CAPN14: variants seen among roughly 807,000 people sequenced by gnomAD.
CAPN14 encodes the protein calpain 14.
In CAPN14, 94 loss-of-function variants were observed where a neutral mutation model predicts 101.3. The observed-to-expected ratio is 0.93, with a 90% CI of 0.79 to 1.10. CAPN14 has a LOEUF of 1.10. CAPN14 is among the 50% of genes least tolerant of loss of function. The pLI is 0.00. For missense variants in CAPN14, 837 were observed against 828.4 expected (o/e 1.01, Z -0.13); for synonymous variants, 338 against 317.9 (o/e 1.06, Z -0.67).
chr2:31,198,118 C>T (rs946510961), intron 7 of CAPN14, among the ~76,000 whole-genome samples: 10 of 152,170 alleles, frequency 6.6e-5, no homozygotes, highest in African/African-American at 2.4e-4. Context: ...GGCAAACCTG[C>T]CTCTCATTCT....
Position 31,201,884 on chromosome 2 carries a change from G to T in CAPN14, c.529C>A (p.Leu177Ile). The change falls in exon 5 of 22, where the codon CTT becomes ATT. Residue 177 changes from leucine to isoleucine, a missense_variant. Physicochemically the swap from Leu to Ile is conservative, Grantham distance 5. Coordinates refer to ENST00000403897, the MANE Select transcript of CAPN14 (RefSeq NM_001145122.2). Reference protein sequence around the residue: ...STYKNLFWGALLEKAYAKLSG... With the variant: ...STYKNLFWGAILEKAYAKLSG... ...TACTTGGCATAGGCCTTTTCCAGAAGTGCTCCCCAGAACAAGTTCTTATAG... is the reference window on the plus strand; with the variant it reads ...TACTTGGCATAGGCCTTTTCCAGAATTGCTCCCCAGAACAAGTTCTTATAG... The T allele has an allele frequency of 6.4e-7, 1 of 1,551,756 alleles. No homozygotes were observed. The highest frequency in any genetic ancestry group is 1.2e-5 in the South Asian group (1 of 84,060).
chr2:31,209,418 G>T (rs1387756779), intron 1 of CAPN14, among the ~76,000 whole-genome samples: 2 of 152,086 alleles, frequency 1.3e-5, no homozygotes, highest in African/African-American at 4.8e-5. Context: ...ATAACCTGGT[G>T]CTCAGATAAC....
chr2:31,231,675 T>C (rs970923377), intron 1 of CAPN14, among the ~76,000 whole-genome samples: 2 of 152,214 alleles, frequency 1.3e-5, no homozygotes, highest in Admixed American at 6.5e-5. Flanking sequence ...GACAATGGCA[T>C]GGCCGTACTG....
intron 7 of CAPN14, among the ~76,000 whole-genome samples, chr2:31,198,468 T>C (rs6708447): frequency 0.2 from 30,260 of 152,110 alleles, 3,353 homozygotes; most frequent in East Asian, 0.37. Flanking sequence ...CTGTCTCAGA[T>C]ATTTGGGGTT....
At chr2:31,215,566 C>T (rs1342371116) in intron 1 of CAPN14, among the ~76,000 whole-genome samples, 2 of 152,128 alleles carry the variant, frequency 1.3e-5, no homozygotes, top group Non-Finnish European at 1.5e-5. Context: ...AAATCTCCCT[C>T]ATCCTTCAAA....
At position 31,225,122 on chromosome 2, in the gene CAPN14, G is replaced by C. The variant is rs538254688; in HGVS notation, c.-53+1406C>G. Among the ~76,000 whole-genome samples the C allele has an allele frequency of 5.9e-5, 9 of 151,530 alleles. No individual in the cohort carries two copies. In the East Asian group the frequency reaches 1.6e-3, roughly 26 times the overall value. On this transcript the variant is annotated intron_variant and NMD_transcript_variant, in intron 2 of 21. Transcript: ENST00000398824. ...ATTAAAAACTCTTTCAAAACAATAC[G>C]AAAAACACTAAATGCTTTTAGAAAA...
chr2:31,173,718 C>G lies in CAPN14; in HGVS notation c.*963G>C, dbSNP rs553747117. On this transcript the variant is annotated 3_prime_UTR_variant, in exon 22 of 22. Coordinates refer to ENST00000403897, the MANE Select transcript of CAPN14 (RefSeq NM_001145122.2). ...ATGCTCAACCTGTAGTAATAAATGG[C>G]TCTGAGGTGCTAACTTATGAATAAA... The G allele has an allele frequency of 1.3e-5, 2 of 152,184 alleles. No individual in the cohort carries two copies. The highest frequency in any genetic ancestry group is 3.4e-3 in the Middle Eastern group (1 of 294). 9.4% of individuals were successfully genotyped at this position (152,184 alleles called of 1,614,324 possible).
At chr2:31,202,305 T>C in intron 3 of CAPN14, 53 bp from the exon 4 acceptor site, 2 of 1,396,712 alleles carry the variant, frequency 1.4e-6, no homozygotes, top group Non-Finnish European at 2.0e-6. Context: ...ACTTTATGAC[T>C]GCAGAAAATG....
rs1448665505 is a variant in CAPN14 at position 31,216,997 on chromosome 2, T to C, written c.-53+459A>G. On this transcript the variant is annotated intron_variant, in intron 1 of 21. Coordinates refer to ENST00000403897, the MANE Select transcript of CAPN14 (RefSeq NM_001145122.2). ...CAGAACAGAGAACAGTCGGCCTCCTTGACTCTGAGGATCCCATAAGGCCTC... is the reference window on the plus strand; with the variant it reads ...CAGAACAGAGAACAGTCGGCCTCCTCGACTCTGAGGATCCCATAAGGCCTC... 2.6e-5 allele frequency among the ~76,000 whole-genome samples: 4 copies of C among 152,166 alleles called. No individual in the cohort carries two copies. The East Asian group carries it at 5.8e-4, about 22-fold the overall frequency.
intron 2 of CAPN14, among the ~76,000 whole-genome samples, chr2:31,222,974 C>A (rs150879841): frequency 7.8e-4 from 119 of 152,308 alleles, no homozygotes; most frequent in African/African-American, 2.8e-3. Flanking sequence ...AACTCTCCTG[C>A]CAACTTTCCG....
intron 2 of CAPN14, 111 bp from the exon 3 acceptor site, chr2:31,203,250 C>G: frequency 1.3e-6 from 1 of 779,284 alleles, no homozygotes; most frequent in Non-Finnish European, 2.2e-6. Flanking sequence ...GACAAAGATA[C>G]AGAATATAGG....
chr2:31,223,053 A>G (rs1402156791), intron 2 of CAPN14, among the ~76,000 whole-genome samples: 3 of 152,224 alleles, frequency 2.0e-5, no homozygotes, highest in Non-Finnish European at 2.9e-5. Context: ...GAACCCAGCT[A>G]TGCTGGTGCC....
rs949213040 is a variant in CAPN14 at position 31,211,426 on chromosome 2, G to A, written c.-52-5927C>T. On this transcript the variant is annotated intron_variant, in intron 1 of 21. Transcript: ENST00000403897. ...AGTTAAATACACTATACAGAAACTC[G>A]GTGGTATTCTTTTTAAAACAGCAAG... Among the ~76,000 whole-genome samples the A allele has an allele frequency of 1.9e-4, 29 of 151,916 alleles. No individual in the cohort carries two copies. The East Asian group carries it at 1.9e-3, about 10-fold the overall frequency.
At chr2:31,203,614 C>G (rs144017816) in intron 2 of CAPN14, among the ~76,000 whole-genome samples, 20 of 152,224 alleles carry the variant, frequency 1.3e-4, no homozygotes, top group African/African-American at 4.8e-4. Flanking sequence ...TTTATATTCT[C>G]AGTCTTTGCG....
Position 31,200,624 on chromosome 2 carries a change from G to C in CAPN14, c.553C>G (p.Leu185Val). ...GALLEKAYAK[L>V]SGSYEDLQSG... ...TGCAAGTCTTCATAGGAACCAGAGAGCCTGGCCAGGGAAGAAATAAACATG... is the reference window on the plus strand; with the variant it reads ...TGCAAGTCTTCATAGGAACCAGAGACCCTGGCCAGGGAAGAAATAAACATG... The change falls in exon 6 of 22, where the codon CTC becomes GTC. Residue 185 changes from leucine to valine, a missense_variant and splice_region_variant. Transcript: ENST00000403897. The C allele has an allele frequency of 1.3e-6, 2 of 1,541,676 alleles. No individual in the cohort carries two copies. Among genetic ancestry groups the C allele is most frequent in the Non-Finnish European group, 1.7e-6 (2 of 1,143,682 alleles).
At chr2:31,184,718 C>T (rs1261734417) in intron 16 of CAPN14, among the ~76,000 whole-genome samples, 1 of 152,228 alleles carries the variant, frequency 6.6e-6, no homozygotes, top group Non-Finnish European at 1.5e-5. Context: ...CAAGTACAAT[C>T]AACCACAGAA....
At chr2:31,203,926 G>A (rs1489604194) in intron 2 of CAPN14, among the ~76,000 whole-genome samples, 1 of 152,212 alleles carries the variant, frequency 6.6e-6, no homozygotes, top group Non-Finnish European at 1.5e-5. Flanking sequence ...AACACATTAA[G>A]AAGTTGCTTT....
intron 5 of CAPN14, among the ~76,000 whole-genome samples, chr2:31,201,386 C>T (rs930514693): frequency 6.6e-6 from 1 of 152,098 alleles, no homozygotes; most frequent in Non-Finnish European, 1.5e-5. Flanking sequence ...ATGATCAGGC[C>T]GCCCCACAGG....
chr2:31,188,892 G>A (rs1681042151), intron 13 of CAPN14, among the ~76,000 whole-genome samples: 1 of 152,136 alleles, frequency 6.6e-6, no homozygotes, highest in African/African-American at 2.4e-5. Context: ...AGGACCATGG[G>A]AGTTGGCTCA....
Sources: allele counts gnomAD v4.1 joint callset (sites outside exome capture counted in the v4.1 genomes callset), GRCh38; gene constraint gnomAD v4.1.1; transcripts MANE v1.5; gene names NCBI Gene and HGNC (gene_info 2026-07-23, HGNC 2026-07-21).